Variants in RB1 observed in about 807,000 individuals in gnomAD.
The protein encoded by RB1 is RB transcriptional corepressor 1, also known as retinoblastoma-associated protein.
Under a neutral mutation model 135.4 loss-of-function variants are expected in RB1, and 18 were observed. The ratio of observed to expected loss-of-function variants is 0.13; its 90% CI spans 0.09 to 0.20. The LOEUF (loss-of-function observed/expected upper bound fraction) is 0.20. Ranked by LOEUF, RB1 falls within the 10% of genes least tolerant of loss-of-function variation. RB1 has a pLI of 1.00. For synonymous variants in RB1, 365 were observed against 373.2 expected, an observed-to-expected ratio of 0.98 and a Z score of 0.25; for missense variants, 868 against 1,110.0, an observed-to-expected ratio of 0.78 and a Z score of 3.10.
chr13:48,379,534 T>A (rs963261783), intron 13 of RB1, 60 bp from the exon 14 acceptor site: 88 of 1,448,664 alleles, frequency 6.1e-5, no homozygotes, highest in South Asian at 3.0e-4. Context: ...AAAAAAAAAA[T>A]TTCATAATTG....
At chr13:48,464,212 T>C (rs954872125) in intron 21 of RB1, among the ~76,000 whole-genome samples, 26 of 152,210 alleles carry the variant, frequency 1.7e-4, no homozygotes, top group African/African-American at 6.0e-4. Context: ...AATACAAATG[T>C]TCAGTATAAA....
intron 3 of RB1, among the ~76,000 whole-genome samples, chr13:48,344,405 C>T (rs1372929796): frequency 6.6e-6 from 1 of 151,918 alleles, no homozygotes; most frequent in Non-Finnish European, 1.5e-5. Flanking sequence ...GTGGGGGCAA[C>T]CTGATGGGGC....
At chr13:48,328,362 G>C (rs1287285763) in intron 2 of RB1, 4 of 1,549,140 alleles carry the variant, frequency 2.6e-6, no homozygotes, top group Admixed American at 3.3e-5. Flanking sequence ...GATGGATATG[G>C]GTGATGCTTT....
At chr13:48,369,068 T>C (rs1299646074) in intron 11 of RB1, among the ~76,000 whole-genome samples, 2 of 152,188 alleles carry the variant, frequency 1.3e-5, no homozygotes, top group African/African-American at 4.8e-5. Context: ...GCTGAAGATA[T>C]GGTTATTGGA....
chr13:48,349,858 T>C (rs1952532396), intron 6 of RB1, among the ~76,000 whole-genome samples: 1 of 152,016 alleles, frequency 6.6e-6, no homozygotes, highest in South Asian at 2.1e-4. Context: ...ATATATTCCA[T>C]GCCCACAGAA....
At chr13:48,374,411 A>G (rs576844324) in intron 12 of RB1, among the ~76,000 whole-genome samples, 55 of 152,288 alleles carry the variant, frequency 3.6e-4, no homozygotes, top group African/African-American at 5.0e-4. Context: ...TATTTCAGCA[A>G]CTGTGCTTTT....
intron 2 of RB1, among the ~76,000 whole-genome samples, chr13:48,340,338 G>A (rs1011528571): frequency 1.3e-5 from 2 of 152,090 alleles, no homozygotes; most frequent in Non-Finnish European, 2.9e-5. Flanking sequence ...TCTTATGGAA[G>A]TCAAAACACA....
intron 17 of RB1, among the ~76,000 whole-genome samples, chr13:48,421,833 C>T (rs1949010078): frequency 6.6e-6 from 1 of 152,040 alleles, no homozygotes; most frequent in Non-Finnish European, 1.5e-5. Flanking sequence ...ATCTCATGGC[C>T]GTTAGAATGG....
intron 20 of RB1, among the ~76,000 whole-genome samples, chr13:48,460,344 T>C (rs1479412700): frequency 6.6e-6 from 1 of 152,166 alleles, no homozygotes; most frequent in Admixed American, 6.5e-5. Flanking sequence ...TAATATATGT[T>C]CACTTTTTGG....
chr13:48,342,785 A>C, intron 3 of RB1, 71 bp downstream of exon 3: 1 of 1,078,226 alleles, frequency 9.3e-7, no homozygotes, highest in African/African-American at 1.6e-5. Context: ...CTCTCAATAG[A>C]CTTTTGTGAA....
chr13:48,389,507 A>G (rs1247980174), intron 17 of RB1: 1 of 152,214 alleles, frequency 6.6e-6, no homozygotes, highest in Non-Finnish European at 1.5e-5. Context: ...TCAGAAAGGT[A>G]GGGTTTAAAT....
At chr13:48,342,780 A>C in intron 3 of RB1, 66 bp downstream of exon 3, 1 of 1,149,738 alleles carries the variant, frequency 8.7e-7, no homozygotes. Flanking sequence ...TTTTCCTCTC[A>C]ATAGACTTTT....
At chr13:48,445,135 G>A (rs1380189431) in intron 17 of RB1, 1 of 152,142 alleles carries the variant, frequency 6.6e-6, no homozygotes, top group Non-Finnish European at 1.5e-5. Flanking sequence ...GAAATTGATA[G>A]AAAATTTTGT....
intron 4 of RB1, 100 bp from the exon 5 acceptor site, chr13:48,347,721 TAAAA>T: frequency 1.3e-6 from 1 of 795,866 alleles, no homozygotes; most frequent in Non-Finnish European, 2.0e-6. Flanking sequence ...TTTTTGTTTT[TAAAA>T]TATATACTTC....
chr13:48,364,939 C>G lies in RB1; in HGVS notation c.907C>G (p.Leu303Val), dbSNP rs1411089830. 1.3e-6 allele frequency: 2 copies of G among 1,571,098 alleles called. No homozygotes were observed. Among genetic ancestry groups the G allele is most frequent in the Non-Finnish European group, 1.7e-6 (2 of 1,154,092 alleles). ...AAATTTTATACCTTTTATGAATTCTCTTGGACTTGTAACATCTAATGGACT... is the reference window on the plus strand; with the variant it reads ...AAATTTTATACCTTTTATGAATTCTGTTGGACTTGTAACATCTAATGGACT... Reference protein sequence around the residue: ...FKNFIPFMNSLGLVTSNGLPE... With the variant: ...FKNFIPFMNSVGLVTSNGLPE... The change falls in exon 9 of 27, where the codon CTT (leucine) becomes GTT (valine). Residue 303 changes from leucine (L) to valine (V), a missense_variant. Coordinates refer to ENST00000267163, the MANE Select transcript of RB1 (RefSeq NM_000321.3).
chr13:48,375,982 T>A (rs1285218714), intron 12 of RB1, among the ~76,000 whole-genome samples: 1 of 151,986 alleles, frequency 6.6e-6, no homozygotes, highest in Non-Finnish European at 1.5e-5. Context: ...ATGAGAATCA[T>A]GCTGTGATTA....
chr13:48,434,575 C>T (rs958110392), intron 17 of RB1, among the ~76,000 whole-genome samples: 1 of 152,056 alleles, frequency 6.6e-6, no homozygotes, highest in Non-Finnish European at 1.5e-5. Context: ...ACCCTACAGC[C>T]GAGACTCTTT....
intron 12 of RB1, among the ~76,000 whole-genome samples, chr13:48,375,476 TG>T (rs1386539283): frequency 2.5e-4 from 37 of 150,726 alleles, no homozygotes; most frequent in Non-Finnish European, 4.3e-4. Flanking sequence ...GTTTGTGTGC[TG>T]TTTTTTTTTT....
At chr13:48,343,481 G>A (rs1186748507) in intron 3 of RB1, among the ~76,000 whole-genome samples, 1 of 152,090 alleles carries the variant, frequency 6.6e-6, no homozygotes, top group African/African-American at 2.4e-5. Context: ...TAAATAAAAT[G>A]TGGAAACAAA....
Sources: gnomAD v4.1 joint callset for allele counts (sites outside exome capture counted in the v4.1 genomes callset) on GRCh38, gnomAD v4.1.1 for gene constraint, MANE v1.5 for transcripts, NCBI Gene and HGNC (gene_info 2026-07-23, HGNC 2026-07-21) for gene names.